FRAS1: variants seen among roughly 807,000 people sequenced by gnomAD.
The protein encoded by FRAS1 is extracellular matrix organizing protein FRAS1.
Under a neutral mutation model 435.2 loss-of-function variants are expected in FRAS1, and 290 were observed. The ratio of observed to expected loss-of-function variants is 0.67; its 90% CI spans 0.61 to 0.73. FRAS1 has a LOEUF of 0.73. Ranked by LOEUF, FRAS1 falls within the 30% of genes least tolerant of loss-of-function variation. The pLI is 0.00. For missense variants in FRAS1, 4,860 were observed against 5,001.5 expected, an observed-to-expected ratio of 0.97 and a Z score of 0.85; for synonymous variants, 1,800 against 1,851.0, an observed-to-expected ratio of 0.97 and a Z score of 0.71.
At chr4:78,408,294 A>G (rs1387648459) in intron 31 of FRAS1, among the ~76,000 whole-genome samples, 1 of 152,156 alleles carries the variant, frequency 6.6e-6, no homozygotes, top group Admixed American at 6.5e-5. Context: ...TTGGATGGGG[A>G]CACTGATATG....
rs1394172574 is a variant in FRAS1, at chr4:78,379,712, CAT to C, written c.3293-11_3293-10del. ...GTACCATAAGCTTGACCTTTGGATT[CAT>C]ATGTTTTTCAGGCAAAATACACACC... On this transcript the variant is annotated splice_polypyrimidine_tract_variant and intron_variant, in intron 26 of 73. Coordinates refer to ENST00000512123, the MANE Select transcript of FRAS1 (RefSeq NM_025074.7). 1.2e-6 allele frequency: 2 copies of C among 1,603,076 alleles called. No homozygotes were observed. The highest frequency in any genetic ancestry group is 1.1e-5 in the South Asian group (1 of 87,492).
At chr4:78,124,375 C>G (rs1719216498) in intron 2 of FRAS1, among the ~76,000 whole-genome samples, 1 of 152,114 alleles carries the variant, frequency 6.6e-6, no homozygotes, top group African/African-American at 2.4e-5. Context: ...TTCAGTTTGC[C>G]AGTATTTTAT....
intron 10 of FRAS1, among the ~76,000 whole-genome samples, chr4:78,279,590 T>A (rs1303009593): frequency 2.0e-5 from 3 of 152,214 alleles, no homozygotes; most frequent in African/African-American, 7.2e-5. Flanking sequence ...AGTGACTGGA[T>A]TTTGTTTGAT....
At chr4:78,243,697 T>C (rs1040721928) in intron 3 of FRAS1, among the ~76,000 whole-genome samples, 1 of 151,774 alleles carries the variant, frequency 6.6e-6, no homozygotes, top group Non-Finnish European at 1.5e-5. Context: ...TACACATATA[T>C]ACACACACAC....
intron 20 of FRAS1, among the ~76,000 whole-genome samples, chr4:78,340,169 C>T (rs429977): frequency 0.18 from 26,997 of 151,988 alleles, 3,277 homozygotes; most frequent in African/African-American, 0.35. Flanking sequence ...AGGAGAATCA[C>T]GGGACTGAGC....
chr4:78,423,660 C>A lies in FRAS1; in HGVS notation c.4679-728C>A, dbSNP rs567940544. On this transcript the variant is annotated intron_variant, in intron 34 of 73. Transcript: ENST00000512123. ...TGCCATTATTTAATATAAGTTTAAT[C>A]GCCCAGAAAACAGTTAACTCCTCAA... is the stretch of plus-strand genomic sequence containing the variant. 3.3e-5 allele frequency among the ~76,000 whole-genome samples: 5 copies of A among 152,076 alleles called. No homozygotes were observed. The South Asian group carries it at 1.0e-3, about 32-fold the overall frequency.
At chr4:78,130,768 G>C (rs1255320856) in intron 2 of FRAS1, among the ~76,000 whole-genome samples, 1 of 152,180 alleles carries the variant, frequency 6.6e-6, no homozygotes, top group East Asian at 1.9e-4. Flanking sequence ...ATGGAACTAA[G>C]AGTTGAAAGG....
At chr4:78,086,527 A>C (rs1020156102) in intron 2 of FRAS1, among the ~76,000 whole-genome samples, 1 of 152,218 alleles carries the variant, frequency 6.6e-6, no homozygotes, top group Admixed American at 6.5e-5. Flanking sequence ...ATAGACCACT[A>C]TCAAGACTAA....
intron 27 of FRAS1, 145 bp from the exon 28 acceptor site, chr4:78,383,913 TC>T: frequency 1.8e-6 from 1 of 560,786 alleles, no homozygotes; most frequent in Non-Finnish European, 3.2e-6. Flanking sequence ...GGTAGTTTTT[TC>T]TTTATAGTAT....
At chr4:78,362,525 C>A (rs1040669716) in intron 20 of FRAS1, among the ~76,000 whole-genome samples, 2 of 152,228 alleles carry the variant, frequency 1.3e-5, no homozygotes, top group African/African-American at 4.8e-5. Context: ...CCAAACCAGG[C>A]ATGTTGCCTC....
At chr4:78,425,773 C>A (rs1027011634) in intron 35 of FRAS1, among the ~76,000 whole-genome samples, 1 of 151,962 alleles carries the variant, frequency 6.6e-6, no homozygotes, top group Admixed American at 6.6e-5. Context: ...CTATTTAATT[C>A]TTATAACAAT....
At chr4:78,320,092 C>T (rs959026324) in intron 18 of FRAS1, among the ~76,000 whole-genome samples, 11 of 152,206 alleles carry the variant, frequency 7.2e-5, no homozygotes, top group Non-Finnish European at 1.5e-4. Context: ...TGTCCTGGAA[C>T]ATGATGGGGA....
intron 2 of FRAS1, among the ~76,000 whole-genome samples, chr4:78,199,228 A>G (rs1722948413): frequency 6.6e-6 from 1 of 152,160 alleles, no homozygotes; most frequent in African/African-American, 2.4e-5. Context: ...ATCTAGTTTT[A>G]CCAGCAGAGA....
At chr4:78,286,614 G>C in intron 14 of FRAS1, 75 bp downstream of exon 14, 1 of 1,506,800 alleles carries the variant, frequency 6.6e-7, no homozygotes, top group Non-Finnish European at 9.0e-7. Flanking sequence ...AAGTGATCTG[G>C]GGACACCAGG....
intron 70 of FRAS1, among the ~76,000 whole-genome samples, chr4:78,532,545 T>A (rs1721748062): frequency 6.6e-6 from 1 of 152,188 alleles, no homozygotes; most frequent in South Asian, 2.1e-4. Context: ...TGAAATCTAC[T>A]CTCTTAGGAA....
chr4:78,529,527 T>C (rs1310811219), intron 70 of FRAS1, among the ~76,000 whole-genome samples: 1 of 152,170 alleles, frequency 6.6e-6, no homozygotes, highest in Non-Finnish European at 1.5e-5. Flanking sequence ...TTATTATTCA[T>C]TGTTTTGGTT....
chr4:78,302,153 T>C (rs1232358021), intron 14 of FRAS1, among the ~76,000 whole-genome samples: 2 of 149,544 alleles, frequency 1.3e-5, no homozygotes, highest in Non-Finnish European at 2.9e-5. Context: ...TGATTTCCAA[T>C]TTCATCCATG....
At chr4:78,287,516 A>C (rs1727668912) in intron 14 of FRAS1, among the ~76,000 whole-genome samples, 1 of 152,130 alleles carries the variant, frequency 6.6e-6, no homozygotes, top group Non-Finnish European at 1.5e-5. Flanking sequence ...CATGCCAGGG[A>C]GATGTGATAG....
chr4:78,087,286 G>C (rs1049604650), intron 2 of FRAS1, among the ~76,000 whole-genome samples: 2 of 151,758 alleles, frequency 1.3e-5, no homozygotes, highest in African/African-American at 4.9e-5. Flanking sequence ...AAAATAATAA[G>C]AGCTATCTAT....
Sources: allele counts gnomAD v4.1 joint callset (sites outside exome capture counted in the v4.1 genomes callset), GRCh38; gene constraint gnomAD v4.1.1; transcripts MANE v1.5; gene names NCBI Gene and HGNC (gene_info 2026-07-23, HGNC 2026-07-21).